Variants in AMMECR1 observed in about 807,000 individuals in gnomAD.
AMMECR1 encodes the protein AMMECR nuclear protein 1, also known as nuclear protein AMMECR1.
A neutral mutation model predicts 22.5 loss-of-function variants in AMMECR1; 3 were observed. The ratio of observed to expected loss-of-function variants is 0.13; its 90% CI spans 0.06 to 0.35. The LOEUF (loss-of-function observed/expected upper bound fraction) is 0.35. AMMECR1 is among the 10% of genes least tolerant of loss of function. The probability of loss-of-function intolerance (pLI) is 1.00; values close to 1 mark genes in which losing one functional copy is unlikely to be tolerated. For missense variants in AMMECR1, 235 were observed against 278.7 expected (o/e 0.84, Z 1.12); for synonymous variants, 130 against 116.7 (o/e 1.11, Z -0.74).
intron 2 of AMMECR1, among the ~76,000 whole-genome samples, chrX:110,406,681 G>A (rs1359212008): frequency 8.9e-6 from 1 of 111,990 alleles, no homozygotes; most frequent in East Asian, 2.8e-4. Flanking sequence ...AGAATCTCCA[G>A]TGTCTTCCAC....
At chrX:110,209,474 G>T (rs1302724430) in intron 3 of AMMECR1, among the ~76,000 whole-genome samples, 1 of 111,981 alleles carries the variant, frequency 8.9e-6, no homozygotes, top group Non-Finnish European at 1.9e-5. Context: ...GACATTAATG[G>T]CTTAGAGCAT....
intron 1 of AMMECR1, among the ~76,000 whole-genome samples, chrX:110,306,508 G>A (rs1275244777): frequency 9.1e-6 from 1 of 109,655 alleles, no homozygotes; most frequent in Non-Finnish European, 1.9e-5. Context: ...GCCTAGGCTG[G>A]AGTGCAATGG....
chrX:110,290,806 C>T (rs1186661291), intron 1 of AMMECR1, among the ~76,000 whole-genome samples: 1 of 111,127 alleles, frequency 9.0e-6, no homozygotes, highest in African/African-American at 3.3e-5. Flanking sequence ...AAATACTTCC[C>T]TGCTTGCAAT....
At chrX:110,248,540 G>T (rs2067671156) in intron 2 of AMMECR1, among the ~76,000 whole-genome samples, 2 of 111,823 alleles carry the variant, frequency 1.8e-5, no homozygotes, top group East Asian at 2.8e-4. Context: ...TACCAGTCAC[G>T]GATATATTTG....
At chrX:110,387,885 G>A (rs1163505011) in intron 2 of AMMECR1, among the ~76,000 whole-genome samples, 2 of 87,009 alleles carry the variant, frequency 2.3e-5, no homozygotes, top group African/African-American at 4.7e-5. Context: ...TTTTTGAGAC[G>A]GTGTCTCACT....
chrX:110,253,734 T>A (rs956623119), intron 2 of AMMECR1, among the ~76,000 whole-genome samples: 5 of 111,774 alleles, frequency 4.5e-5, no homozygotes, highest in African/African-American at 1.6e-4. Flanking sequence ...TCTCCCCTTT[T>A]GGCCATACCA....
chrX:110,322,633 G>A (rs1395977944), upstream of AMMECR1, among the ~76,000 whole-genome samples: 5 of 111,690 alleles, frequency 4.5e-5, no homozygotes, highest in African/African-American at 1.6e-4. Flanking sequence ...AGTCTGTTCT[G>A]AATTAAGTCT....
intron 1 of AMMECR1, chrX:110,306,984 G>C (rs192290418): frequency 5.9e-4 from 65 of 110,706 alleles, no homozygotes; most frequent in African/African-American, 2.1e-3. Context: ...ACACTTGTAA[G>C]CCCAGCACTT....
At chrX:110,429,281 A>G (rs1237718673) in intron 1 of AMMECR1, among the ~76,000 whole-genome samples, 1 of 109,813 alleles carries the variant, frequency 9.1e-6, no homozygotes, top group Non-Finnish European at 1.9e-5. Flanking sequence ...CTTTGTAATC[A>G]TCTCACTTGT....
chrX:110,342,782 G>A (rs1328929203), intron 2 of AMMECR1, among the ~76,000 whole-genome samples: 1 of 111,817 alleles, frequency 8.9e-6, no homozygotes, highest in Admixed American at 9.5e-5. Flanking sequence ...TTAATAGAAT[G>A]ATAAATGCAT....
intron 2 of AMMECR1, among the ~76,000 whole-genome samples, chrX:110,240,906 C>T (rs760934657): frequency 1.8e-5 from 2 of 112,124 alleles, no homozygotes; most frequent in Non-Finnish European, 3.8e-5. Context: ...CAAATTAGAA[C>T]TCAGGATTAA....
At chrX:110,406,264 C>G (rs764384977) in intron 2 of AMMECR1, among the ~76,000 whole-genome samples, 219 of 108,639 alleles carry the variant, frequency 2.0e-3, no homozygotes, top group African/African-American at 6.8e-3. Context: ...CCTAGCCCCC[C>G]ACGCCCCACA....
intron 2 of AMMECR1, among the ~76,000 whole-genome samples, chrX:110,399,421 A>G (rs1191252198): frequency 8.9e-6 from 1 of 112,440 alleles, no homozygotes; most frequent in Non-Finnish European, 1.9e-5. Flanking sequence ...ACAATGTTGA[A>G]TTTGCGCTCA....
At chrX:110,397,713 A>T (rs757747251) in intron 2 of AMMECR1, among the ~76,000 whole-genome samples, 3 of 111,304 alleles carry the variant, frequency 2.7e-5, no homozygotes, top group Non-Finnish European at 5.7e-5. Context: ...GGCCAAACCC[A>T]TCAGAGCCTG....
At chrX:110,268,321 G>C (rs1431253851) in intron 1 of AMMECR1, among the ~76,000 whole-genome samples, 1 of 111,960 alleles carries the variant, frequency 8.9e-6, no homozygotes, top group East Asian at 2.8e-4. Context: ...ACTGTGTTTA[G>C]GACAGATGCC....
intron 1 of AMMECR1, among the ~76,000 whole-genome samples, chrX:110,289,179 T>C (rs1056377545): frequency 2.7e-5 from 3 of 111,763 alleles, no homozygotes; most frequent in African/African-American, 6.5e-5. Context: ...CTCATTCCCA[T>C]GTATTATCAT....
At position 110,195,510 on chromosome X, in the gene AMMECR1, TG is replaced by T. The variant is rs2067365572; in HGVS notation, c.*3009del. The T allele has an allele frequency of 8.9e-6, 1 of 112,286 alleles. No individual in the cohort carries two copies. The highest frequency in any genetic ancestry group is 3.7e-4 in the South Asian group (1 of 2,705). 9.3% of individuals were successfully genotyped at this position (112,286 alleles called of 1,213,427 possible). A position where few individuals can be genotyped will look rare whatever the true frequency, so the allele number is the denominator to read the frequency against. On this transcript the variant is annotated 3_prime_UTR_variant, in exon 6 of 6. Coordinates refer to ENST00000262844, the MANE Select transcript of AMMECR1 (RefSeq NM_015365.3). Reference sequence around the variant, plus strand: ...ATTTCCAAGAGGAAAAATACCCAGTTGCATCTGAAAATGGAAAACTTAAATG... The same window carrying T: ...ATTTCCAAGAGGAAAAATACCCAGTTCATCTGAAAATGGAAAACTTAAATG...
intron 2 of AMMECR1, among the ~76,000 whole-genome samples, chrX:110,351,913 C>T (rs1435800770): frequency 9.0e-6 from 1 of 111,723 alleles, no homozygotes; most frequent in East Asian, 2.8e-4. Context: ...ACAGGCAAGG[C>T]AAAAGATCTG....
intron 2 of AMMECR1, among the ~76,000 whole-genome samples, chrX:110,417,080 C>A (rs967024621): frequency 1.8e-5 from 2 of 112,292 alleles, no homozygotes; most frequent in Non-Finnish European, 3.8e-5. Context: ...CCTTCAAAGG[C>A]AGTCTGTTTG....
Sources: gnomAD v4.1 joint callset for allele counts (sites outside exome capture counted in the v4.1 genomes callset) on GRCh38, gnomAD v4.1.1 for gene constraint, MANE v1.5 for transcripts, NCBI Gene and HGNC (gene_info 2026-07-23, HGNC 2026-07-21) for gene names.